GRM5: variants seen among roughly 807,000 people sequenced by gnomAD.
GRM5 encodes the protein metabotropic glutamate receptor 5.
GRM5 carries 19 observed loss-of-function variants against 83.1 expected under a neutral mutation model. The observed-to-expected ratio is 0.23, with a 90% CI of 0.16 to 0.34. GRM5 has a LOEUF of 0.34. Among genes scored for constraint, GRM5 ranks in the 10% least tolerant of loss-of-function variants. The pLI is 1.00. For synonymous variants in GRM5, 675 were observed against 633.6 expected (o/e 1.07, Z -0.98); for missense variants, 1,160 against 1,588.3 (o/e 0.73, Z 4.58).
intron 2 of GRM5, among the ~76,000 whole-genome samples, chr11:89,019,691 G>C (rs1457921876): frequency 1.8e-4 from 27 of 152,094 alleles, no homozygotes; most frequent in Non-Finnish European, 3.4e-4. Context: ...CTGGGCAACA[G>C]AGCAAAACTC....
intron 2 of GRM5, among the ~76,000 whole-genome samples, chr11:89,016,888 C>G (rs990795070): frequency 4.6e-5 from 7 of 152,088 alleles, no homozygotes; most frequent in Non-Finnish European, 1.0e-4. Flanking sequence ...TAATAGCCAT[C>G]TGCAGACAAA....
intron 3 of GRM5, among the ~76,000 whole-genome samples, chr11:88,686,328 C>A (rs1420221660): frequency 1.3e-5 from 2 of 152,118 alleles, no homozygotes; most frequent in East Asian, 1.9e-4. Context: ...TGTATTTACC[C>A]AATACATGTA....
At chr11:89,013,833 G>A (rs573415463) in intron 2 of GRM5, among the ~76,000 whole-genome samples, 12 of 152,186 alleles carry the variant, frequency 7.9e-5, no homozygotes, top group African/African-American at 2.6e-4. Context: ...CAGCCTACCA[G>A]ATAGTTATTA....
intron 3 of GRM5, among the ~76,000 whole-genome samples, chr11:88,837,171 T>C (rs1002671342): frequency 2.6e-5 from 4 of 152,206 alleles, no homozygotes; most frequent in African/African-American, 9.6e-5. Flanking sequence ...GTTTAAATTA[T>C]CTATCTTGAA....
chr11:88,532,805 A>G (rs1160155788), intron 8 of GRM5, among the ~76,000 whole-genome samples: 2 of 152,230 alleles, frequency 1.3e-5, no homozygotes, highest in Non-Finnish European at 2.9e-5. Flanking sequence ...GAAAGTGGTA[A>G]CTAATGTACA....
At chr11:89,033,813 T>C (rs1040103610) in intron 2 of GRM5, among the ~76,000 whole-genome samples, 1 of 151,626 alleles carries the variant, frequency 6.6e-6, no homozygotes, top group Non-Finnish European at 1.5e-5. Context: ...CAAACATCAA[T>C]TATATTGATT....
At chr11:88,993,657 T>A (rs531076807) in intron 2 of GRM5, among the ~76,000 whole-genome samples, 1 of 152,156 alleles carries the variant, frequency 6.6e-6, no homozygotes, top group African/African-American at 2.4e-5. Flanking sequence ...AAGACCCCAC[T>A]GAAAAGATAT....
At chr11:89,005,277 A>G (rs1436128977) in intron 2 of GRM5, among the ~76,000 whole-genome samples, 1 of 152,230 alleles carries the variant, frequency 6.6e-6, no homozygotes, top group Non-Finnish European at 1.5e-5. Flanking sequence ...AGAAGTTGAC[A>G]AATTTATTAC....
chr11:88,638,178 A>G (rs1331866754), intron 4 of GRM5, among the ~76,000 whole-genome samples: 91 of 116,552 alleles, frequency 7.8e-4, no homozygotes, highest in Non-Finnish European at 1.4e-3. Flanking sequence ...GGGGGGAGGG[A>G]TAGCTTTAGG....
At chr11:88,856,624 C>A (rs1944482886) in intron 2 of GRM5, among the ~76,000 whole-genome samples, 1 of 151,970 alleles carries the variant, frequency 6.6e-6, no homozygotes, top group Non-Finnish European at 1.5e-5. Flanking sequence ...GTAACATGGT[C>A]ATTTATCATT....
chr11:88,779,423 G>A, intron 3 of GRM5, among the ~76,000 whole-genome samples: 1 of 152,116 alleles, frequency 6.6e-6, no homozygotes, highest in East Asian at 1.9e-4. Context: ...GGGTTTAGAG[G>A]ATCATACTGC....
At chr11:88,942,603 C>T (rs1204250416) in intron 2 of GRM5, among the ~76,000 whole-genome samples, 1 of 151,942 alleles carries the variant, frequency 6.6e-6, no homozygotes, top group Non-Finnish European at 1.5e-5. Flanking sequence ...AAGCCTCTCA[C>T]ACAAGAATAC....
At chr11:88,665,753 T>G (rs985677611) in intron 3 of GRM5, among the ~76,000 whole-genome samples, 4 of 151,192 alleles carry the variant, frequency 2.6e-5, no homozygotes, top group Non-Finnish European at 5.9e-5. Context: ...AGGCAAGCCC[T>G]CCTCTGAAGA....
At chr11:88,728,187 G>A (rs1385373963) in intron 3 of GRM5, among the ~76,000 whole-genome samples, 4 of 151,944 alleles carry the variant, frequency 2.6e-5, no homozygotes, top group Admixed American at 2.6e-4. Flanking sequence ...AAATGATAAA[G>A]GGGATATCAC....
intron 2 of GRM5, among the ~76,000 whole-genome samples, chr11:88,992,397 G>C (rs1014446922): frequency 6.6e-6 from 1 of 151,982 alleles, no homozygotes; most frequent in African/African-American, 2.4e-5. Flanking sequence ...GGAAAAATAG[G>C]AACACTTTTA....
At chr11:88,942,434 G>A (rs545635875) in intron 2 of GRM5, among the ~76,000 whole-genome samples, 6 of 152,004 alleles carry the variant, frequency 3.9e-5, no homozygotes, top group South Asian at 2.1e-4. Flanking sequence ...ACAATTTGAC[G>A]AGTCTCATTC....
intron 2 of GRM5, among the ~76,000 whole-genome samples, chr11:89,018,079 T>C (rs565160335): frequency 1.3e-5 from 2 of 152,158 alleles, no homozygotes; most frequent in Non-Finnish European, 2.9e-5. Flanking sequence ...GTTTGTTGCA[T>C]GGATGAAATT....
intron 3 of GRM5, among the ~76,000 whole-genome samples, chr11:88,673,185 T>C (rs1404854783): frequency 2.6e-5 from 4 of 151,946 alleles, no homozygotes; most frequent in Non-Finnish European, 5.9e-5. Flanking sequence ...TAGGAGGCCA[T>C]TTCCATAAGT....
At chr11:88,645,375 G>T (rs1939416827) in intron 4 of GRM5, among the ~76,000 whole-genome samples, 1 of 152,074 alleles carries the variant, frequency 6.6e-6, no homozygotes, top group African/African-American at 2.4e-5. Flanking sequence ...CATTGGAACT[G>T]ATACATGTCT....
Sources: gnomAD v4.1 joint callset for allele counts (sites outside exome capture counted in the v4.1 genomes callset) on GRCh38, gnomAD v4.1.1 for gene constraint, MANE v1.5 for transcripts, NCBI Gene and HGNC (gene_info 2026-07-23, HGNC 2026-07-21) for gene names.